Variants in PLCXD2 observed in about 807,000 individuals in gnomAD.
The protein encoded by PLCXD2 is PI-PLC X domain-containing protein 2.
In PLCXD2, 21 loss-of-function variants were observed where a neutral mutation model predicts 28.6. The observed-to-expected ratio is 0.73, with a 90% CI of 0.52 to 1.06. The LOEUF (loss-of-function observed/expected upper bound fraction) is 1.06. PLCXD2 is among the 50% of genes least tolerant of loss of function. The probability of loss-of-function intolerance (pLI) is 0.00; values close to 1 mark genes in which losing one functional copy is unlikely to be tolerated. For missense variants in PLCXD2, 369 were observed against 376.7 expected (o/e 0.98, Z 0.17); for synonymous variants, 140 against 150.1 (o/e 0.93, Z 0.49).
At chr3:111,699,908 A>G (rs1227970040) in intron 1 of PLCXD2, among the ~76,000 whole-genome samples, 3 of 152,196 alleles carry the variant, frequency 2.0e-5, no homozygotes, top group Non-Finnish European at 4.4e-5. Flanking sequence ...AGCATCTACC[A>G]ATACATGGGA....
intron 2 of PLCXD2, among the ~76,000 whole-genome samples, chr3:111,711,321 T>C (rs1437119940): frequency 6.6e-6 from 1 of 152,182 alleles, no homozygotes; most frequent in Non-Finnish European, 1.5e-5. Context: ...AGAGAATCGC[T>C]TGAACCCAGG....
rs183722194 is a variant in PLCXD2 at position 111,712,655 on chromosome 3, C to A, written c.625-1232C>A. ...AGCAGTTAGTCAGGCACCTTAGTCA[C>A]GAGCTAAATGCACACCGGAAATGAG... On this transcript the variant is annotated intron_variant, in intron 2 of 4. Coordinates refer to ENST00000477665, the MANE Select transcript of PLCXD2 (RefSeq NM_001185106.1). Among the ~76,000 whole-genome samples the A allele has an allele frequency of 7.6e-4, 115 of 152,286 alleles. 1 individual carries two copies. The highest frequency in any genetic ancestry group is 2.4e-3 in the African/African-American group (101 of 41,556).
At chr3:111,688,609 T>C (rs1013580302) in intron 1 of PLCXD2, among the ~76,000 whole-genome samples, 3 of 152,156 alleles carry the variant, frequency 2.0e-5, no homozygotes, top group African/African-American at 7.2e-5. Context: ...GCACCATAAA[T>C]CACATCCTTA....
At position 111,708,523 on chromosome 3, in the gene PLCXD2, C is replaced by T. The variant is rs142825233; in HGVS notation, c.624+137C>T. The T allele has an allele frequency of 1.0e-3, 839 of 823,288 alleles. 8 individuals are homozygous for T. The African/African-American group carries it at 0.013, about 13-fold the overall frequency. The allele number at this position is 823,288 out of a possible 1,614,324, so 51.0% of individuals were successfully genotyped here. A position where few individuals can be genotyped will look rare whatever the true frequency, so the allele number is the denominator to read the frequency against. On this transcript the variant is annotated intron_variant, in intron 2 of 4. Coordinates refer to ENST00000477665, the MANE Select transcript of PLCXD2 (RefSeq NM_001185106.1). ...GATTGTTTGGAATATTAAACATATG[C>T]AAACTAGTTCCTGGGCTCTAGAATA...
chr3:111,678,217 A>C (rs1299363966), intron 1 of PLCXD2, among the ~76,000 whole-genome samples: 1 of 152,208 alleles, frequency 6.6e-6, no homozygotes, highest in African/African-American at 2.4e-5. Context: ...TTGATGTATT[A>C]TTTTACTTCC....
intron 1 of PLCXD2, among the ~76,000 whole-genome samples, chr3:111,688,208 C>T (rs1411318866): frequency 6.6e-6 from 1 of 152,204 alleles, no homozygotes; most frequent in Non-Finnish European, 1.5e-5. Context: ...TGGAAGACTA[C>T]CCTCACTCTG....
At chr3:111,697,459 A>G (rs1266595401) in intron 1 of PLCXD2, among the ~76,000 whole-genome samples, 1 of 152,226 alleles carries the variant, frequency 6.6e-6, no homozygotes, top group Non-Finnish European at 1.5e-5. Context: ...TCTAAGAACT[A>G]TGCATTAATA....
rs1425001151 is a variant in PLCXD2 at position 111,708,320 on chromosome 3, C to T, written c.558C>T (p.Asn186=). 7.4e-6 allele frequency: 12 copies of T among 1,614,060 alleles called. No individual in the cohort carries two copies. Among genetic ancestry groups the T allele is most frequent in the Non-Finnish European group, 1.0e-5 (12 of 1,180,040 alleles). The change falls in exon 2 of 5, where the codon AAC becomes AAT. Residue 186 remains asparagine, a synonymous_variant. Coordinates refer to ENST00000477665, the MANE Select transcript of PLCXD2 (RefSeq NM_001185106.1). ...TGCGGATCCAGGAGGCCTTTGGAAA[C>T]AAGCTGTGCCCAGCCTGCAGTGTGG...
At chr3:111,708,762 CAATGTCAGATA>C (rs1941158136) in intron 2 of PLCXD2, among the ~76,000 whole-genome samples, 1 of 152,184 alleles carries the variant, frequency 6.6e-6, no homozygotes, top group Non-Finnish European at 1.5e-5. Flanking sequence ...GCCTTCAACT[CAATGTCAGATA>C]ATCCTGGCCA....
At chr3:111,714,632 C>T (rs1482773918) in intron 3 of PLCXD2, among the ~76,000 whole-genome samples, 1 of 152,168 alleles carries the variant, frequency 6.6e-6, no homozygotes, top group African/African-American at 2.4e-5. Flanking sequence ...TTCCTCAGGG[C>T]AGAATTGAGC....
At chr3:111,675,477 G>T in intron 1 of PLCXD2, 69 bp downstream of exon 1, 1 of 1,573,992 alleles carries the variant, frequency 6.4e-7, no homozygotes, top group Non-Finnish European at 8.7e-7. Flanking sequence ...AAGGGGTTGG[G>T]TTGCTTTTCT....
chr3:111,693,071 A>G (rs763258616), intron 1 of PLCXD2, among the ~76,000 whole-genome samples: 13 of 152,314 alleles, frequency 8.5e-5, no homozygotes, highest in Middle Eastern at 3.4e-3. Context: ...TTGTTATATA[A>G]CCAGGGAAAA....
chr3:111,718,539 T>A lies in PLCXD2; in HGVS notation c.866+4411T>A, dbSNP rs577366740. Among the ~76,000 whole-genome samples, 1,114 of 142,594 alleles carry A rather than the reference T, an allele frequency of 7.8e-3. 5 individuals carry two copies. The highest frequency in any genetic ancestry group is 0.017 in the South Asian group (76 of 4,372). 93.5% of individuals were successfully genotyped at this position (142,594 alleles called of 152,430 possible). ...TAGATAGATAGATAGATAGATTGAT[T>A]GATTTATGATATGTGTTTTAGCCCG... is the stretch of plus-strand genomic sequence containing the variant. On this transcript the variant is annotated intron_variant, in intron 3 of 4. Transcript: ENST00000477665.
At chr3:111,712,309 C>T (rs1308853693) in intron 2 of PLCXD2, among the ~76,000 whole-genome samples, 4 of 152,194 alleles carry the variant, frequency 2.6e-5, no homozygotes, top group African/African-American at 9.7e-5. Flanking sequence ...GGCCCACGGG[C>T]AGGCCCAAGA....
intron 1 of PLCXD2, among the ~76,000 whole-genome samples, chr3:111,678,624 G>A (rs1375932168): frequency 1.3e-5 from 2 of 152,168 alleles, no homozygotes; most frequent in Non-Finnish European, 2.9e-5. Flanking sequence ...GAACTTAAGG[G>A]TTGCAAAATT....
At chr3:111,726,579 C>T (rs1941418600) in intron 3 of PLCXD2, 1 of 152,014 alleles carries the variant, frequency 6.6e-6, no homozygotes, top group Non-Finnish European at 1.5e-5. Flanking sequence ...TAAAGTATAC[C>T]AATTTTAAGG....
At chr3:111,701,285 T>G (rs1436184646) in intron 1 of PLCXD2, among the ~76,000 whole-genome samples, 1 of 152,176 alleles carries the variant, frequency 6.6e-6, no homozygotes, top group East Asian at 1.9e-4. Context: ...ATTTGACAGA[T>G]GAGGAAACTG....
chr3:111,684,286 C>T (rs771655281), intron 1 of PLCXD2, among the ~76,000 whole-genome samples: 8 of 147,488 alleles, frequency 5.4e-5, no homozygotes, highest in Non-Finnish European at 8.9e-5. Flanking sequence ...GCTGAGATTG[C>T]GCCATTGCAC....
At chr3:111,725,766 TG>T (rs1392602580) in intron 3 of PLCXD2, 2 of 398,474 alleles carry the variant, frequency 5.0e-6, no homozygotes, top group East Asian at 3.6e-5. Flanking sequence ...CCCTTATATT[TG>T]GGGGGAATTC....
Sources: gnomAD v4.1 joint callset for allele counts (sites outside exome capture counted in the v4.1 genomes callset) on GRCh38, gnomAD v4.1.1 for gene constraint, MANE v1.5 for transcripts, NCBI Gene and HGNC (gene_info 2026-07-23, HGNC 2026-07-21) for gene names.